RBFOX1: variants seen among roughly 807,000 people sequenced by gnomAD.
The protein encoded by RBFOX1 is RNA binding fox-1 homolog 1.
In RBFOX1, 8 loss-of-function variants were observed where a neutral mutation model predicts 57.7. That is an observed-to-expected ratio of 0.14 (90% CI 0.08 to 0.25). The LOEUF (loss-of-function observed/expected upper bound fraction) is 0.25, where lower values mean the gene tolerates loss of function less well. RBFOX1 is among the 10% of genes least tolerant of loss of function. RBFOX1 has a pLI of 1.00. For missense variants in RBFOX1, 611 were observed against 548.5 expected (o/e 1.11, Z -1.14); for synonymous variants, 326 against 222.4 (o/e 1.47, Z -4.15).
intron 1 of RBFOX1, among the ~76,000 whole-genome samples, chr16:6,054,451 T>C (rs1405681315): frequency 6.6e-6 from 1 of 152,252 alleles, no homozygotes; most frequent in Non-Finnish European, 1.5e-5. Flanking sequence ...TCAGGTTTCC[T>C]GTCTTTCCCA....
chr16:7,437,874 A>T (rs1445347685), intron 4 of RBFOX1, among the ~76,000 whole-genome samples: 1 of 151,918 alleles, frequency 6.6e-6, no homozygotes, highest in Admixed American at 6.6e-5. Flanking sequence ...CAGAAAAAAA[A>T]AATGAATATA....
chr16:5,910,539 G>T (rs1329974105), intron 4 of RBFOX1, among the ~76,000 whole-genome samples: 3 of 150,802 alleles, frequency 2.0e-5, no homozygotes, highest in Admixed American at 6.6e-5. Flanking sequence ...AAAGATTTAG[G>T]AGCCCTTTTG....
At chr16:5,854,044 T>C (rs2056963791) in intron 3 of RBFOX1, among the ~76,000 whole-genome samples, 1 of 152,218 alleles carries the variant, frequency 6.6e-6, no homozygotes, top group South Asian at 2.1e-4. Flanking sequence ...GCCAGCTTTA[T>C]TGAGGCAGAC....
At chr16:7,515,963 G>T (rs2076265338) in intron 4 of RBFOX1, among the ~76,000 whole-genome samples, 1 of 152,100 alleles carries the variant, frequency 6.6e-6, no homozygotes, top group South Asian at 2.1e-4. Context: ...TCCTGCCTCA[G>T]TCTCCGGAGT....
chr16:6,450,801 GTATATATATATATATACA>G lies in RBFOX1; in HGVS notation c.-64+133761_-64+133778del, dbSNP rs2094585847. Among the ~76,000 whole-genome samples the G allele has an allele frequency of 1.6e-3, 26 of 16,460 alleles. 6 individuals carry two copies. In the South Asian group the frequency reaches 0.03, roughly 19 times the overall value. The allele number at this position is 16,460 out of a possible 152,430, so 10.8% of individuals were successfully genotyped here. A position where few individuals can be genotyped will look rare whatever the true frequency, so the allele number is the denominator to read the frequency against. On this transcript the variant is annotated intron_variant, in intron 2 of 15. Coordinates refer to ENST00000550418, the MANE Select transcript of RBFOX1 (RefSeq NM_018723.4). Reference sequence around the variant, plus strand: ...TATATATATATATACATATATATATGTATATATATATATATACATATATATATATATATATGTGTATAT... The same window carrying G: ...TATATATATATATACATATATATATGTATATATATATATATATGTGTATAT...
chr16:7,312,480 C>T (rs974222580), intron 4 of RBFOX1, among the ~76,000 whole-genome samples: 2 of 152,178 alleles, frequency 1.3e-5, no homozygotes, highest in African/African-American at 4.8e-5. Context: ...GTTTCCATTT[C>T]TCTCAAATTA....
intron 1 of RBFOX1, among the ~76,000 whole-genome samples, chr16:6,250,079 G>T (rs1289159554): frequency 6.6e-6 from 1 of 152,092 alleles, no homozygotes; most frequent in African/African-American, 2.4e-5. Flanking sequence ...GGCAGGGTGA[G>T]AACAGCCCCT....
chr16:6,344,407 C>CTTTTTCTTTT (rs1555635136), intron 2 of RBFOX1, among the ~76,000 whole-genome samples: 5 of 109,846 alleles, frequency 4.6e-5, no homozygotes, highest in South Asian at 2.8e-4. Flanking sequence ...TCTTTTTTTT[C>CTTTTTCTTTT]TTTTTTTTTT....
chr16:6,982,687 T>A (rs922548183), intron 3 of RBFOX1, among the ~76,000 whole-genome samples: 1 of 152,134 alleles, frequency 6.6e-6, no homozygotes, highest in Admixed American at 6.6e-5. Flanking sequence ...TTTACTGTTA[T>A]CTCATTTTGA....
chr16:7,321,051 T>TTTAC (rs2096535387), intron 4 of RBFOX1, among the ~76,000 whole-genome samples: 2 of 117,116 alleles, frequency 1.7e-5, no homozygotes, highest in Non-Finnish European at 1.8e-5. Flanking sequence ...ACCAGAGAAA[T>TTTAC]TATCTATCTA....
chr16:7,305,166 T>C (rs546449530), intron 4 of RBFOX1, among the ~76,000 whole-genome samples: 1 of 152,050 alleles, frequency 6.6e-6, no homozygotes, highest in South Asian at 2.1e-4. Context: ...TCACTTCTCC[T>C]TAGTGGTCTT....
At chr16:7,051,245 C>T (rs763696670) in intron 3 of RBFOX1, among the ~76,000 whole-genome samples, 1 of 152,280 alleles carries the variant, frequency 6.6e-6, no homozygotes, top group South Asian at 2.1e-4. Context: ...GACCATATAT[C>T]TCAAAATTCC....
intron 3 of RBFOX1, among the ~76,000 whole-genome samples, chr16:6,986,267 C>T (rs999513855): frequency 6.6e-6 from 1 of 151,874 alleles, no homozygotes; most frequent in Non-Finnish European, 1.5e-5. Context: ...ATGGCATGAT[C>T]TTGGCTCACT....
At chr16:6,969,419 T>C (rs977262622) in intron 3 of RBFOX1, among the ~76,000 whole-genome samples, 1 of 150,220 alleles carries the variant, frequency 6.7e-6, no homozygotes, top group East Asian at 1.9e-4. Context: ...AATGAATAAT[T>C]GTGATTTTGT....
chr16:6,575,336 G>C (rs978351820), intron 2 of RBFOX1, among the ~76,000 whole-genome samples: 2 of 152,080 alleles, frequency 1.3e-5, no homozygotes, highest in African/African-American at 4.8e-5. Context: ...AATTTAAATG[G>C]ATACTAAGTC....
chr16:6,881,377 C>T (rs1268666610), intron 3 of RBFOX1, among the ~76,000 whole-genome samples: 1 of 152,182 alleles, frequency 6.6e-6, no homozygotes, highest in African/African-American at 2.4e-5. Context: ...GTTACTCTCA[C>T]AGTTCTGCAG....
At chr16:7,317,944 CT>C (rs766372335) in intron 4 of RBFOX1, among the ~76,000 whole-genome samples, 5 of 152,114 alleles carry the variant, frequency 3.3e-5, no homozygotes, top group Non-Finnish European at 7.4e-5. Context: ...CATACTTCTA[CT>C]TTTGATGCTG....
At chr16:7,366,582 T>C (rs934867054) in intron 4 of RBFOX1, among the ~76,000 whole-genome samples, 3 of 152,108 alleles carry the variant, frequency 2.0e-5, no homozygotes, top group African/African-American at 7.2e-5. Flanking sequence ...TGTGTCCTAG[T>C]TGATATATTT....
intron 1 of RBFOX1, among the ~76,000 whole-genome samples, chr16:6,149,224 C>G (rs959367143): frequency 3.9e-5 from 6 of 152,136 alleles, no homozygotes; most frequent in African/African-American, 1.4e-4. Flanking sequence ...TGTGTGTGCG[C>G]GCGCGTGCGC....
Sources: allele counts gnomAD v4.1 joint callset (sites outside exome capture counted in the v4.1 genomes callset), GRCh38; gene constraint gnomAD v4.1.1; transcripts MANE v1.5; gene names NCBI Gene and HGNC (gene_info 2026-07-23, HGNC 2026-07-21).